PHF21A: variants seen among roughly 807,000 people sequenced by gnomAD.
PHF21A encodes PHD finger protein 21A.
PHF21A carries 11 observed loss-of-function variants against 82.5 expected under a neutral mutation model. The ratio of observed to expected loss-of-function variants is 0.13; its 90% confidence interval spans 0.08 to 0.22. The LOEUF is 0.22. Ranked by LOEUF, PHF21A falls within the 10% of genes least tolerant of loss-of-function variation. The pLI is 1.00. For synonymous variants in PHF21A, 297 were observed against 302.8 expected (o/e 0.98, Z 0.20); for missense variants, 579 against 837.8 (o/e 0.69, Z 3.81).
In PHF21A at chr11:45,970,084, T is replaced by C. The variant is rs990208184; in HGVS notation, c.613-180A>G. On this transcript the variant is annotated intron_variant, in intron 8 of 18. Transcript: ENST00000676320. Reference sequence around the variant, plus strand: ...TTTTTAACTCTCCCACCTGTGTGCTTTACCCTATAAAATGAACCAACCACA... The same window carrying C: ...TTTTTAACTCTCCCACCTGTGTGCTCTACCCTATAAAATGAACCAACCACA... 6 of 579,048 alleles carry C rather than the reference T, an allele frequency of 1.0e-5. No individual in the cohort carries two copies. In the African/African-American group the frequency reaches 1.1e-4, roughly 11 times the overall value. The allele number at this position is 579,048 out of a possible 1,614,324, so 35.9% of individuals were successfully genotyped here.
chr11:46,049,265 A>G, intron 6 of PHF21A: 1 of 331,444 alleles, frequency 3.0e-6, no homozygotes, highest in Non-Finnish European at 6.0e-6. Flanking sequence ...AAAGTCCTCT[A>G]TCATTTCTCA....
At chr11:45,953,906 A>C (rs2092400300) in intron 10 of PHF21A, among the ~76,000 whole-genome samples, 1 of 152,222 alleles carries the variant, frequency 6.6e-6, no homozygotes. Context: ...TTAATTCCTA[A>C]GTATAGAAAT....
intron 6 of PHF21A, among the ~76,000 whole-genome samples, chr11:46,066,504 C>T (rs2096595877): frequency 6.6e-6 from 1 of 152,162 alleles, no homozygotes; most frequent in East Asian, 1.9e-4. Flanking sequence ...TCAAGACCAG[C>T]CTGGGCAACA....
chr11:46,107,191 C>T (rs916090299), intron 1 of PHF21A, among the ~76,000 whole-genome samples: 3 of 152,184 alleles, frequency 2.0e-5, no homozygotes, highest in Admixed American at 6.5e-5. Context: ...GCATAAAACA[C>T]TAGTTTAGAC....
At chr11:45,949,760 G>GTA (rs1339209043) in intron 12 of PHF21A, among the ~76,000 whole-genome samples, 3 of 152,232 alleles carry the variant, frequency 2.0e-5, no homozygotes, top group African/African-American at 7.2e-5. Flanking sequence ...TTAGACTGCT[G>GTA]TATATATAGG....
At chr11:45,958,332 G>A (rs1322519694) in intron 10 of PHF21A, among the ~76,000 whole-genome samples, 8 of 137,998 alleles carry the variant, frequency 5.8e-5, no homozygotes, top group African/African-American at 2.2e-4. Context: ...AGAGGCCAAG[G>A]CAGGCAGATA....
In PHF21A at chr11:46,036,364, G is replaced by T. The variant is rs374227904; in HGVS notation, c.153+40390C>A. Among the ~76,000 whole-genome samples the T allele has an allele frequency of 1.3e-3, 203 of 152,326 alleles. 1 individual carries two copies. The highest frequency in any genetic ancestry group is 4.2e-3 in the African/African-American group (174 of 41,568). On this transcript the variant is annotated intron_variant, in intron 6 of 18. Transcript: ENST00000676320. ...AGTTGTTCAGTGGGCAGCTGGGCTA[G>T]AAATGTAACATTCTCCTTAATTCTT...
intron 9 of PHF21A, among the ~76,000 whole-genome samples, chr11:45,966,913 A>G (rs1051761043): frequency 3.3e-5 from 5 of 150,238 alleles, no homozygotes; most frequent in African/African-American, 1.2e-4. Flanking sequence ...CACTGCACCC[A>G]GCCATAAGCC....
At chr11:46,065,800 G>A (rs1478807481) in intron 6 of PHF21A, among the ~76,000 whole-genome samples, 2 of 152,134 alleles carry the variant, frequency 1.3e-5, no homozygotes, top group African/African-American at 2.4e-5. Flanking sequence ...AAGGGTGAAG[G>A]GATCACAGTT....
intron 3 of PHF21A, among the ~76,000 whole-genome samples, chr11:46,086,941 C>T (rs977552649): frequency 1.3e-5 from 2 of 152,002 alleles, no homozygotes; most frequent in Non-Finnish European, 2.9e-5. Context: ...ATAAGAATGA[C>T]CAACAAACAT....
intron 6 of PHF21A, among the ~76,000 whole-genome samples, chr11:46,032,130 A>G (rs2095877222): frequency 6.6e-6 from 1 of 152,246 alleles, no homozygotes; most frequent in Non-Finnish European, 1.5e-5. Flanking sequence ...GATAGCCTAG[A>G]GCAATGTCCT....
intron 6 of PHF21A, among the ~76,000 whole-genome samples, chr11:46,043,607 C>A: frequency 6.8e-6 from 1 of 148,004 alleles, no homozygotes; most frequent in East Asian, 1.9e-4. Context: ...AGTATTAACA[C>A]GTTACAAAGT....
At chr11:46,112,927 AT>A (rs2097236128) in intron 1 of PHF21A, among the ~76,000 whole-genome samples, 1 of 149,740 alleles carries the variant, frequency 6.7e-6, no homozygotes, top group Non-Finnish European at 1.5e-5. Context: ...TGTAAACCTT[AT>A]AGTAGCTGAT....
rs967875315 is a variant in PHF21A, at chr11:45,933,222, C to A, written c.*746G>T. On this transcript the variant is annotated 3_prime_UTR_variant, in exon 19 of 19. Coordinates refer to ENST00000676320, the MANE Select transcript of PHF21A (RefSeq NM_001352027.3). ...TGGAGAGGAGACAGCGGGATAACCA[C>A]GGAGATGCGCGACTCACCAAGCAGG... is the stretch of plus-strand genomic sequence containing the variant. 1 of 152,542 alleles carries A rather than the reference C, an allele frequency of 6.6e-6. No homozygotes were observed. The highest frequency in any genetic ancestry group is 2.4e-5 in the African/African-American group (1 of 41,404). 9.4% of individuals were successfully genotyped at this position (152,542 alleles called of 1,614,324 possible). A position where few individuals can be genotyped will look rare whatever the true frequency, so the allele number is the denominator to read the frequency against.
intron 11 of PHF21A, among the ~76,000 whole-genome samples, chr11:45,951,824 T>TTGA (rs397737192): frequency 1.4e-5 from 2 of 145,154 alleles, no homozygotes; most frequent in African/African-American, 5.0e-5. Context: ...TTTTTTTTTT[T>TTGA]GAGGCGGAGT....
chr11:46,023,058 T>C (rs544110968), intron 6 of PHF21A, among the ~76,000 whole-genome samples: 7 of 152,244 alleles, frequency 4.6e-5, no homozygotes, highest in Admixed American at 3.3e-4. Flanking sequence ...GCCTTGTTAT[T>C]TTCTATTATA....
chr11:45,943,976 G>A (rs998010316), intron 15 of PHF21A, among the ~76,000 whole-genome samples: 13 of 152,088 alleles, frequency 8.5e-5, no homozygotes, highest in East Asian at 1.9e-4. Flanking sequence ...TTTTAAAAAC[G>A]TCAATGTTAT....
intron 1 of PHF21A, among the ~76,000 whole-genome samples, chr11:46,098,534 C>CTA (rs2097037607): frequency 1.3e-5 from 2 of 152,302 alleles, no homozygotes; most frequent in South Asian, 4.1e-4. Context: ...CTTCCTCACT[C>CTA]TATAAAGTAC....
chr11:46,074,581 C>T (rs1433583935), intron 6 of PHF21A, among the ~76,000 whole-genome samples: 1 of 152,170 alleles, frequency 6.6e-6, no homozygotes, highest in Non-Finnish European at 1.5e-5. Flanking sequence ...TGGCTCACTG[C>T]AACCTCCACC....
Sources: allele counts gnomAD v4.1 joint callset (sites outside exome capture counted in the v4.1 genomes callset), GRCh38; gene constraint gnomAD v4.1.1; transcripts MANE v1.5; gene names NCBI Gene and HGNC (gene_info 2026-07-23, HGNC 2026-07-21).